The following SSH1 variants were observed in gnomAD, a reference collection of about 807,000 sequenced individuals.
SSH1 encodes protein phosphatase Slingshot homolog 1.
In SSH1, 43 loss-of-function variants were observed where a neutral mutation model predicts 79.7. The ratio of observed to expected loss-of-function variants is 0.54; its 90% CI spans 0.42 to 0.70. The LOEUF (loss-of-function observed/expected upper bound fraction) is 0.70. SSH1 is among the 30% of genes least tolerant of loss of function. The probability of loss-of-function intolerance (pLI) is 0.00; values close to 1 mark genes in which losing one functional copy is unlikely to be tolerated. For missense variants in SSH1, 1,206 were observed against 1,358.8 expected, an observed-to-expected ratio of 0.89 and a Z score of 1.77; for synonymous variants, 599 against 538.3, an observed-to-expected ratio of 1.11 and a Z score of -1.56.
At chr12:108,790,154 T>G (rs1266374586) in intron 14 of SSH1, among the ~76,000 whole-genome samples, 1 of 79,456 alleles carries the variant, frequency 1.3e-5, no homozygotes, top group Non-Finnish European at 3.4e-5. Flanking sequence ...TGGCTTCCAG[T>G]TTTTTTTTTT....
At chr12:108,813,839 AAAAG>A (rs1033944051) in intron 5 of SSH1, among the ~76,000 whole-genome samples, 1 of 151,890 alleles carries the variant, frequency 6.6e-6, no homozygotes, top group African/African-American at 2.4e-5. Context: ...GGAAAACAGG[AAAAG>A]AAAGAAGAGA....
chr12:108,825,703 G>A (rs1277086111), intron 2 of SSH1, among the ~76,000 whole-genome samples: 2 of 152,184 alleles, frequency 1.3e-5, no homozygotes, highest in Non-Finnish European at 2.9e-5. Flanking sequence ...TGTGCTGCAA[G>A]GTTCAAGTGT....
intron 13 of SSH1, among the ~76,000 whole-genome samples, chr12:108,793,167 C>G (rs945336563): frequency 1.3e-5 from 2 of 152,162 alleles, no homozygotes; most frequent in African/African-American, 4.8e-5. Context: ...CACTCCATCT[C>G]TCATTTCTCT....
At chr12:108,823,236 A>C in intron 3 of SSH1, 22 bp downstream of exon 3, 1 of 1,553,464 alleles carries the variant, frequency 6.4e-7, no homozygotes, top group Non-Finnish European at 8.7e-7. Context: ...CCAATGTAAG[A>C]GTATCAACTT....
chr12:108,789,840 G>A (rs2036427970), intron 14 of SSH1, among the ~76,000 whole-genome samples: 1 of 152,120 alleles, frequency 6.6e-6, no homozygotes, highest in Non-Finnish European at 1.5e-5. Flanking sequence ...AGGCAGGAGG[G>A]CAACAGGGCT....
chr12:108,803,944 C>T (rs2037145901), intron 10 of SSH1, among the ~76,000 whole-genome samples: 1 of 152,134 alleles, frequency 6.6e-6, no homozygotes, highest in Non-Finnish European at 1.5e-5. Context: ...CTACAGAAAA[C>T]AAAGTCTTTC....
Position 108,779,344 on chromosome 12 carries a change from G to A in SSH1, c.*8644C>T, listed in dbSNP as rs755215791. On this transcript the variant is annotated 3_prime_UTR_variant, in exon 15 of 15. Transcript: ENST00000326495. ...CCAATAGCCTTTGGAGCAAGAAGTGGGTCCAATTTCCCAGGGGCTGGGGGC... is the reference window on the plus strand; with the variant it reads ...CCAATAGCCTTTGGAGCAAGAAGTGAGTCCAATTTCCCAGGGGCTGGGGGC... The A allele has an allele frequency of 5.9e-5, 9 of 152,152 alleles. No individual in the cohort carries two copies. The allele number at this position is 152,152 out of a possible 1,614,324, so 9.4% of individuals were successfully genotyped here. A position where few individuals can be genotyped will look rare whatever the true frequency, so the allele number is the denominator to read the frequency against.
chr12:108,853,900 G>GT (rs2039093729), intron 1 of SSH1, among the ~76,000 whole-genome samples: 1 of 150,834 alleles, frequency 6.6e-6, no homozygotes, highest in African/African-American at 2.5e-5. Flanking sequence ...CTCCAGCCTG[G>GT]TGAAAGAGCA....
At chr12:108,836,175 G>C (rs1461579050) in intron 2 of SSH1, among the ~76,000 whole-genome samples, 7 of 151,572 alleles carry the variant, frequency 4.6e-5, no homozygotes, top group Admixed American at 4.6e-4. Context: ...GACAAAACTA[G>C]AATGAACCCC....
chr12:108,832,215 T>C (rs2038491299), intron 2 of SSH1, among the ~76,000 whole-genome samples: 1 of 151,762 alleles, frequency 6.6e-6, no homozygotes, highest in Non-Finnish European at 1.5e-5. Flanking sequence ...GAGAATCACT[T>C]GAGCCCGGGA....
rs148036891 is a variant in SSH1, at chr12:108,838,470, C to A, written c.110+14168G>T. Among the ~76,000 whole-genome samples, 656 of 152,300 alleles carry A rather than the reference C, an allele frequency of 4.3e-3. 1 individual carries two copies. Among genetic ancestry groups the A allele is most frequent in the African/African-American group, 0.015 (615 of 41,550 alleles). ...TTTTAGCATTTTCCTGCTCGGAGAC[C>A]ACATGTTTGGAACAGCAGGGGCTGA... On this transcript the variant is annotated intron_variant, in intron 2 of 14. Coordinates refer to ENST00000326495, the MANE Select transcript of SSH1 (RefSeq NM_018984.4).
At chr12:108,799,238 G>T (rs1025782931) in intron 12 of SSH1, 38 bp from the exon 13 acceptor site, 1 of 1,554,034 alleles carries the variant, frequency 6.4e-7, no homozygotes, top group Admixed American at 1.8e-5. Context: ...AGAGATGGGG[G>T]AGAAGCAGTG....
chr12:108,815,031 C>T (rs1359800305), intron 5 of SSH1, among the ~76,000 whole-genome samples: 3 of 152,180 alleles, frequency 2.0e-5, no homozygotes, highest in Non-Finnish European at 4.4e-5. Flanking sequence ...CCTGGCGGGG[C>T]GCCCGGCACA....
intron 2 of SSH1, among the ~76,000 whole-genome samples, chr12:108,845,602 G>A (rs1189739144): frequency 1.3e-5 from 2 of 152,188 alleles, no homozygotes; most frequent in Non-Finnish European, 1.5e-5. Flanking sequence ...CAGGAGAATC[G>A]CTTGAACCCG....
At chr12:108,843,507 T>C (rs1280616424) in intron 2 of SSH1, among the ~76,000 whole-genome samples, 1 of 152,084 alleles carries the variant, frequency 6.6e-6, no homozygotes, top group Non-Finnish European at 1.5e-5. Context: ...TGGTGCCATC[T>C]TGAAATTCTT....
In SSH1 at chr12:108,792,822, G is replaced by A. The variant is rs774531742; in HGVS notation, c.1357C>T (p.Arg453Trp). 15 of 1,613,484 alleles carry A rather than the reference G, an allele frequency of 9.3e-6. No homozygotes were observed. Among genetic ancestry groups the A allele is most frequent in the South Asian group, 4.4e-5 (4 of 91,076 alleles). Reference sequence around the variant, plus strand: ...TGCTGACGCCACAGCTTGTTGTGCCGCTGTTTGCTGCGGGGAGAGAGGGTA... The same window carrying A: ...TGCTGACGCCACAGCTTGTTGTGCCACTGTTTGCTGCGGGGAGAGAGGGTA... Reference protein sequence around the residue: ...YEGILDASKQRHNKLWRQQTD... With the variant: ...YEGILDASKQWHNKLWRQQTD... The change falls in exon 14 of 15, where the codon CGG becomes TGG. Residue 453 changes from arginine (R) to tryptophan (W), a missense_variant. Physicochemically the swap from Arg to Trp is moderately radical, Grantham distance 101 (BLOSUM62 -3). Transcript: ENST00000326495.
chr12:108,791,008 C>T (rs1238011853), intron 14 of SSH1, among the ~76,000 whole-genome samples: 2 of 152,168 alleles, frequency 1.3e-5, no homozygotes, highest in African/African-American at 4.8e-5. Flanking sequence ...AACCTTGTGG[C>T]AGATAATCCA....
At chr12:108,837,779 T>C (rs1197944519) in intron 2 of SSH1, among the ~76,000 whole-genome samples, 2 of 145,940 alleles carry the variant, frequency 1.4e-5, no homozygotes, top group African/African-American at 2.5e-5. Context: ...GAGTTACCAA[T>C]TTTTTTTTTT....
At chr12:108,844,491 A>G (rs2038853358) in intron 2 of SSH1, among the ~76,000 whole-genome samples, 1 of 152,084 alleles carries the variant, frequency 6.6e-6, no homozygotes, top group Admixed American at 6.6e-5. Context: ...CCATCCCCAA[A>G]CTAGGCACAT....
Sources: allele counts gnomAD v4.1 joint callset (sites outside exome capture counted in the v4.1 genomes callset), GRCh38; gene constraint gnomAD v4.1.1; transcripts MANE v1.5; gene names NCBI Gene and HGNC (gene_info 2026-07-23, HGNC 2026-07-21).